The following PREX1 variants were observed in gnomAD, a reference collection of about 807,000 sequenced individuals.
PREX1 encodes phosphatidylinositol 3,4,5-trisphosphate-dependent Rac exchanger 1 protein.
Under a neutral mutation model 198.3 loss-of-function variants are expected in PREX1, and 41 were observed. The ratio of observed to expected loss-of-function variants is 0.21; its 90% CI spans 0.16 to 0.27. The LOEUF is 0.27. Ranked by LOEUF, PREX1 falls within the 10% of genes least tolerant of loss-of-function variation. PREX1 has a pLI of 1.00. For synonymous variants in PREX1, 843 were observed against 887.2 expected (o/e 0.95, Z 0.89); for missense variants, 1,620 against 2,200.7 (o/e 0.74, Z 5.28).
At chr20:48,830,113 C>T (rs1205156822), upstream of PREX1, among the ~76,000 whole-genome samples, 2 of 152,142 alleles carry the variant, frequency 1.3e-5, no homozygotes, top group Non-Finnish European at 2.9e-5. Context: ...CCTCTAATCC[C>T]AGAATTTTAG....
chr20:48,630,782 C>A lies in PREX1; in HGVS notation c.4539G>T (p.Leu1513=). The change falls in exon 36 of 40, where the codon CTG becomes CTT. Residue 1513 remains leucine (L), a synonymous_variant. Transcript: ENST00000371941. ...QYYRKLRAFY[L]ERSNLPTDAS... ...CATCCGTGGGCAGGTTAGACCGCTC[C>A]AGGTAAAATGCCCTGCGAGAGAAAG... The A allele has an allele frequency of 6.3e-7, 1 of 1,586,374 alleles. No individual in the cohort carries two copies. Among genetic ancestry groups the A allele is most frequent in the Non-Finnish European group, 8.7e-7 (1 of 1,155,004 alleles).
At chr20:48,801,348 C>T (rs2090385887) in intron 1 of PREX1, among the ~76,000 whole-genome samples, 1 of 152,228 alleles carries the variant, frequency 6.6e-6, no homozygotes, top group South Asian at 2.1e-4. Flanking sequence ...CGGGCTCTCC[C>T]TCTTGCTGAG....
chr20:48,771,020 A>G (rs2090233042), intron 1 of PREX1, among the ~76,000 whole-genome samples: 1 of 152,122 alleles, frequency 6.6e-6, no homozygotes, highest in Non-Finnish European at 1.5e-5. Flanking sequence ...TTCAGTATGT[A>G]CAGTTGCCTT....
the PREX1 span, among the ~76,000 whole-genome samples, chr20:48,873,441 G>A: frequency 1.8e-3 from 270 of 151,878 alleles, 1 homozygote; most frequent in Non-Finnish European, 2.8e-3. Context: ...GGGTGCAGTG[G>A]CTCACTCCTG....
At chr20:48,787,331 G>A (rs1156655885) in intron 1 of PREX1, among the ~76,000 whole-genome samples, 1 of 151,564 alleles carries the variant, frequency 6.6e-6, no homozygotes, top group African/African-American at 2.4e-5. Context: ...TCTGTCTAGT[G>A]ATTTCTTTTC....
chr20:48,786,036 C>A (rs1358955956), intron 1 of PREX1, among the ~76,000 whole-genome samples: 2 of 152,130 alleles, frequency 1.3e-5, no homozygotes, highest in Non-Finnish European at 2.9e-5. Context: ...CCTGAGCGGG[C>A]TCATGGATCA....
intron 3 of PREX1, among the ~76,000 whole-genome samples, chr20:48,743,906 C>CA (rs1163561725): frequency 1.3e-5 from 2 of 152,180 alleles, no homozygotes; most frequent in Non-Finnish European, 2.9e-5. Flanking sequence ...ACTTGCCCCC[C>CA]ATTGCCCTCT....
chr20:48,828,581 G>A (rs759627940), upstream of PREX1, among the ~76,000 whole-genome samples: 3 of 147,646 alleles, frequency 2.0e-5, no homozygotes, highest in African/African-American at 7.5e-5. Flanking sequence ...CGGGAACGCC[G>A]GGCCCTCGCG....
In PREX1 at chr20:48,630,812, G is replaced by A; in HGVS notation, c.4527-18C>T. ...AAAATGCCCTGCGAGAGAAAGATGG[G>A]AATGAGGCGGGGGCCACCACACCCA... On this transcript the variant is annotated intron_variant, in intron 35 of 39. Coordinates refer to ENST00000371941, the MANE Select transcript of PREX1 (RefSeq NM_020820.4). 1.9e-6 allele frequency: 3 copies of A among 1,543,832 alleles called. No individual in the cohort carries two copies. Among genetic ancestry groups the A allele is most frequent in the Non-Finnish European group, 2.7e-6 (3 of 1,116,794 alleles).
At chr20:48,868,590 A>G in the PREX1 span, among the ~76,000 whole-genome samples, 1 of 152,102 alleles carries the variant, frequency 6.6e-6, no homozygotes, top group South Asian at 2.1e-4. Flanking sequence ...CAGCCTCCCA[A>G]AGTAAGAAAA....
chr20:48,872,281 T>C, the PREX1 span, among the ~76,000 whole-genome samples: 1 of 152,200 alleles, frequency 6.6e-6, no homozygotes, highest in Admixed American at 6.5e-5. Context: ...TGTGGTTTTT[T>C]TTCACTGAGC....
intron 32 of PREX1, among the ~76,000 whole-genome samples, chr20:48,635,370 T>C (rs2089354257): frequency 6.6e-6 from 1 of 152,174 alleles, no homozygotes; most frequent in Non-Finnish European, 1.5e-5. Context: ...CCCCAAACAA[T>C]ACATCCTACA....
intron 23 of PREX1, among the ~76,000 whole-genome samples, 200 bp downstream of exon 23, chr20:48,650,694 G>A (rs950566861): frequency 2.0e-5 from 3 of 152,242 alleles, no homozygotes; most frequent in East Asian, 3.8e-4. Flanking sequence ...TAAGGAAAAC[G>A]AAGCCAGGAG....
chr20:48,653,378 G>T lies in PREX1; in HGVS notation c.2329C>A (p.Arg777=). The T allele has an allele frequency of 6.2e-7, 1 of 1,613,504 alleles. No homozygotes were observed. Among genetic ancestry groups the T allele is most frequent in the Non-Finnish European group, 8.5e-7 (1 of 1,179,666 alleles). Residue 777 remains arginine, a synonymous_variant, in exon 20 of 40, where the codon CGG becomes AGG. Transcript: ENST00000371941. ...AAACTTACCAGGGCCTCTTCGCGCC[G>T]ACTCCGGAATGCCTGGAAGTGCTCC... ...VLEHFQAFRS[R]REEALGLYQW...
rs144342905 is a variant in PREX1 at position 48,696,436 on chromosome 20, G to A, written c.918-3646C>T. On this transcript the variant is annotated intron_variant, in intron 7 of 39. Coordinates refer to ENST00000371941, the MANE Select transcript of PREX1 (RefSeq NM_020820.4). The stretch of plus-strand genomic sequence containing the variant: ...ACTATTCGATTCCATTACTCTACGT[G>A]TCTGTTTTCATACCAATACCACACT... Among the ~76,000 whole-genome samples the A allele has an allele frequency of 1.6e-3, 237 of 152,292 alleles. 1 individual carries two copies. Among genetic ancestry groups the A allele is most frequent in the African/African-American group, 5.4e-3 (225 of 41,556 alleles).
the PREX1 span, among the ~76,000 whole-genome samples, chr20:48,886,708 T>G: frequency 6.6e-6 from 1 of 152,254 alleles, no homozygotes; most frequent in Non-Finnish European, 1.5e-5. Flanking sequence ...GTCTGCACTC[T>G]TCTTAGCTTT....
chr20:48,643,210 C>T (rs1386233036), intron 27 of PREX1, among the ~76,000 whole-genome samples: 3 of 152,214 alleles, frequency 2.0e-5, no homozygotes, highest in Non-Finnish European at 2.9e-5. Flanking sequence ...TTCAGTAACG[C>T]CTTTAATCCC....
intron 1 of PREX1, among the ~76,000 whole-genome samples, chr20:48,749,084 T>G (rs2090122393): frequency 6.6e-6 from 1 of 150,648 alleles, no homozygotes; most frequent in African/African-American, 2.4e-5. Context: ...GCTGAGAGAG[T>G]CACAGGGATA....
At chr20:48,828,441 G>A (rs2090523135), upstream of PREX1, among the ~76,000 whole-genome samples, 1 of 152,100 alleles carries the variant, frequency 6.6e-6, no homozygotes, top group African/African-American at 2.4e-5. Flanking sequence ...ACACCGGGCT[G>A]GGAAAGCTCG....
Sources: allele counts gnomAD v4.1 joint callset (sites outside exome capture counted in the v4.1 genomes callset), GRCh38; gene constraint gnomAD v4.1.1; transcripts MANE v1.5; gene names NCBI Gene and HGNC (gene_info 2026-07-23, HGNC 2026-07-21).